MTREX: variants seen among roughly 807,000 people sequenced by gnomAD.
MTREX encodes the protein Mtr4 exosome RNA helicase, also known as exosome RNA helicase MTR4.
In MTREX, 76 loss-of-function variants were observed where a neutral mutation model predicts 135.4. The ratio of observed to expected loss-of-function variants is 0.56; its 90% CI spans 0.47 to 0.68. MTREX has a LOEUF of 0.68. Among genes scored for constraint, MTREX ranks in the 30% least tolerant of loss-of-function variants. MTREX has a pLI of 0.00. For missense variants in MTREX, 920 were observed against 1,262.1 expected, an observed-to-expected ratio of 0.73 and a Z score of 4.11; for synonymous variants, 404 against 401.6, an observed-to-expected ratio of 1.01 and a Z score of -0.07.
At chr5:55,367,925 TA>T (rs1750131325) in intron 16 of MTREX, among the ~76,000 whole-genome samples, 1 of 152,236 alleles carries the variant, frequency 6.6e-6, no homozygotes, top group Non-Finnish European at 1.5e-5. Flanking sequence ...AAATCATTTG[TA>T]ATCTCACACA....
intron 15 of MTREX, among the ~76,000 whole-genome samples, chr5:55,360,565 C>T (rs754042878): frequency 6.6e-6 from 1 of 152,092 alleles, no homozygotes; most frequent in Non-Finnish European, 1.5e-5. Flanking sequence ...TTTACATTCC[C>T]ACAAGCATTA....
intron 21 of MTREX, among the ~76,000 whole-genome samples, chr5:55,404,141 T>G (rs1021217539): frequency 1.3e-5 from 2 of 152,192 alleles, no homozygotes; most frequent in Non-Finnish European, 2.9e-5. Flanking sequence ...CTTCATAATT[T>G]TTCCTCCTTA....
At chr5:55,326,572 C>T (rs898279223) in intron 3 of MTREX, among the ~76,000 whole-genome samples, 10 of 152,114 alleles carry the variant, frequency 6.6e-5, no homozygotes, top group Admixed American at 2.0e-4. Context: ...GTTGAAATGT[C>T]CTCTGATTAT....
chr5:55,338,839 G>A (rs1749597790), intron 5 of MTREX, among the ~76,000 whole-genome samples: 1 of 134,652 alleles, frequency 7.4e-6, no homozygotes, highest in African/African-American at 2.9e-5. Context: ...CACCCAGGCT[G>A]GAGTACAATG....
intron 1 of MTREX, among the ~76,000 whole-genome samples, chr5:55,310,914 A>C (rs1469357547): frequency 3.3e-5 from 5 of 152,146 alleles, no homozygotes; most frequent in African/African-American, 1.2e-4. Context: ...AATAGCTAGA[A>C]GTACAGGTAC....
intron 18 of MTREX, among the ~76,000 whole-genome samples, chr5:55,383,982 G>T (rs545093453): frequency 7.9e-4 from 121 of 152,222 alleles, no homozygotes; most frequent in African/African-American, 2.8e-3. Context: ...CATTGCCCAG[G>T]CTGGTTTCAA....
In MTREX at chr5:55,400,430, GA is replaced by G. The variant is rs1750706848; in HGVS notation, c.2481+12del. 6.4e-7 allele frequency: 1 copy of G among 1,555,852 alleles called. No individual in the cohort carries two copies. The highest frequency in any genetic ancestry group is 8.7e-7 in the Non-Finnish European group (1 of 1,147,406). On this transcript the variant is annotated intron_variant, in intron 21 of 26. Transcript: ENST00000230640. ...GTGAAAAAAAAGCACAGGTATGGCA[GA>G]AATTTGGTTTTTATAGTAGAATTCT...
At chr5:55,318,298 T>C (rs1383594260) in intron 1 of MTREX, among the ~76,000 whole-genome samples, 1 of 152,160 alleles carries the variant, frequency 6.6e-6, no homozygotes, top group East Asian at 1.9e-4. Flanking sequence ...TAAAGCATTC[T>C]ACCATAAAGA....
At chr5:55,418,515 A>T (rs934068059) in intron 25 of MTREX, among the ~76,000 whole-genome samples, 2 of 149,962 alleles carry the variant, frequency 1.3e-5, no homozygotes, top group African/African-American at 4.9e-5. Context: ...TCTTTCAGTT[A>T]CTCAGGGGCT....
intron 15 of MTREX, among the ~76,000 whole-genome samples, chr5:55,360,580 A>C (rs1193126460): frequency 6.6e-6 from 1 of 152,120 alleles, no homozygotes; most frequent in Non-Finnish European, 1.5e-5. Flanking sequence ...GCATTATATG[A>C]GGCTTCTAAT....
At chr5:55,318,217 A>T (rs1749230187) in intron 1 of MTREX, among the ~76,000 whole-genome samples, 1 of 152,298 alleles carries the variant, frequency 6.6e-6, no homozygotes, top group East Asian at 1.9e-4. Context: ...ATGGCAATTC[A>T]TCAAAGAGCT....
chr5:55,423,042 A>G, intron 26 of MTREX, 60 bp downstream of exon 26: 6 of 1,304,708 alleles, frequency 4.6e-6, no homozygotes, highest in South Asian at 1.2e-5. Context: ...GCAAATCTTG[A>G]GCCCTGGACC....
intron 19 of MTREX, among the ~76,000 whole-genome samples, chr5:55,392,727 A>C (rs938851313): frequency 3.3e-5 from 5 of 152,098 alleles, no homozygotes; most frequent in African/African-American, 1.2e-4. Flanking sequence ...TTGACTATGC[A>C]CACAGCCCTG....
At chr5:55,326,514 C>T (rs1191500724) in intron 3 of MTREX, among the ~76,000 whole-genome samples, 1 of 152,204 alleles carries the variant, frequency 6.6e-6, no homozygotes, top group African/African-American at 2.4e-5. Flanking sequence ...CTTCTTCCCA[C>T]TTTCTCAGCA....
At chr5:55,318,742 C>G (rs1749239605) in intron 1 of MTREX, among the ~76,000 whole-genome samples, 1 of 152,134 alleles carries the variant, frequency 6.6e-6, no homozygotes, top group Non-Finnish European at 1.5e-5. Context: ...AGCAAACCTT[C>G]ACATGTACCC....
intron 13 of MTREX, 117 bp downstream of exon 13, chr5:55,351,146 CT>C: frequency 1.6e-6 from 2 of 1,214,442 alleles, no homozygotes; most frequent in Non-Finnish European, 2.1e-6. Context: ...AATGAAATGA[CT>C]TAAATAATGA....
chr5:55,374,264 T>TTATATATATATATA (rs763872215), intron 16 of MTREX, among the ~76,000 whole-genome samples: 99 of 139,672 alleles, frequency 7.1e-4, no homozygotes, highest in East Asian at 4.9e-3. Flanking sequence ...CAAAAAACAT[T>TTATATATATATATA]TATATATATA....
At chr5:55,332,065 G>A (rs186495245) in intron 5 of MTREX, among the ~76,000 whole-genome samples, 1 of 152,242 alleles carries the variant, frequency 6.6e-6, no homozygotes, top group African/African-American at 2.4e-5. Flanking sequence ...AACTAAGATT[G>A]TGTAGTCTTG....
chr5:55,349,396 C>T (rs1749788922), intron 11 of MTREX, among the ~76,000 whole-genome samples, 177 bp from the exon 12 acceptor site: 1 of 151,984 alleles, frequency 6.6e-6, no homozygotes, highest in South Asian at 2.1e-4. Flanking sequence ...GCCATGTTGC[C>T]CATGCTGTTC....
Sources: gnomAD v4.1 joint callset for allele counts (sites outside exome capture counted in the v4.1 genomes callset) on GRCh38, gnomAD v4.1.1 for gene constraint, MANE v1.5 for transcripts, NCBI Gene and HGNC (gene_info 2026-07-23, HGNC 2026-07-21) for gene names.